The following PTPRD variants were observed in gnomAD, a reference collection of about 807,000 sequenced individuals.
PTPRD encodes receptor-type tyrosine-protein phosphatase delta.
PTPRD carries 34 observed loss-of-function variants against 214.5 expected under a neutral mutation model. The observed-to-expected ratio is 0.16, with a 90% CI of 0.12 to 0.21. PTPRD has a LOEUF of 0.21. Ranked by LOEUF, PTPRD falls within the 10% of genes least tolerant of loss-of-function variation. The probability of loss-of-function intolerance (pLI) is 1.00; values close to 1 mark genes in which losing one functional copy is unlikely to be tolerated. For synonymous variants in PTPRD, 1,128 were observed against 845.7 expected (o/e 1.33, Z -5.79); for missense variants, 2,545 against 2,398.7 (o/e 1.06, Z -1.27).
intron 2 of PTPRD, among the ~76,000 whole-genome samples, chr9:10,591,255 G>T (rs886883820): frequency 6.6e-6 from 1 of 151,916 alleles, no homozygotes; most frequent in Non-Finnish European, 1.5e-5. Context: ...TTTTGTTGGT[G>T]CATGTGTATG....
chr9:10,116,476 C>G (rs969347568), intron 3 of PTPRD, among the ~76,000 whole-genome samples: 2 of 151,956 alleles, frequency 1.3e-5, no homozygotes, highest in African/African-American at 4.8e-5. Context: ...CTTAATATAC[C>G]ATTTATATTC....
At chr9:8,656,996 A>G (rs2096922672) in intron 12 of PTPRD, among the ~76,000 whole-genome samples, 1 of 152,212 alleles carries the variant, frequency 6.6e-6, no homozygotes, top group African/African-American at 2.4e-5. Context: ...ATTAATTTTA[A>G]GAAATATAAA....
chr9:8,634,362 T>C (rs1214525260), intron 13 of PTPRD, among the ~76,000 whole-genome samples: 1 of 152,108 alleles, frequency 6.6e-6, no homozygotes, highest in African/African-American at 2.4e-5. Flanking sequence ...TTTTTTCTCT[T>C]GTATTTCACT....
intron 10 of PTPRD, among the ~76,000 whole-genome samples, chr9:9,180,605 A>G (rs1569559422): frequency 6.6e-6 from 1 of 152,090 alleles, no homozygotes; most frequent in Non-Finnish European, 1.5e-5. Context: ...AATAGTAATA[A>G]AATTAAAAAA....
intron 11 of PTPRD, among the ~76,000 whole-genome samples, chr9:8,991,283 G>A (rs907940340): frequency 2.6e-5 from 4 of 151,492 alleles, no homozygotes; most frequent in Admixed American, 1.3e-4. Flanking sequence ...CATCCTGAAA[G>A]CTCCCATGTC....
At chr9:8,484,824 C>G (rs949045743) in intron 29 of PTPRD, among the ~76,000 whole-genome samples, 4 of 152,112 alleles carry the variant, frequency 2.6e-5, no homozygotes, top group Admixed American at 2.6e-4. Flanking sequence ...TTGCTAACAT[C>G]TCTTAATGGC....
intron 2 of PTPRD, among the ~76,000 whole-genome samples, chr9:10,600,038 A>G (rs1172086870): frequency 6.6e-6 from 1 of 151,794 alleles, no homozygotes; most frequent in Non-Finnish European, 1.5e-5. Flanking sequence ...GTGTTCATGT[A>G]ATATATTTAA....
intron 10 of PTPRD, among the ~76,000 whole-genome samples, chr9:9,149,291 C>T (rs954770050): frequency 3.3e-5 from 5 of 152,318 alleles, no homozygotes; most frequent in Admixed American, 3.3e-4. Flanking sequence ...ACATAGTACA[C>T]ACTGAAAAGT....
intron 7 of PTPRD, among the ~76,000 whole-genome samples, chr9:9,584,674 C>T (rs1338175723): frequency 6.6e-6 from 1 of 151,916 alleles, no homozygotes. Flanking sequence ...GAAAGGATCT[C>T]TCTCCTCCTC....
At chr9:9,687,896 G>T (rs996948166) in intron 7 of PTPRD, among the ~76,000 whole-genome samples, 2 of 151,768 alleles carry the variant, frequency 1.3e-5, no homozygotes, top group Non-Finnish European at 2.9e-5. Context: ...ATCTCGAATT[G>T]TAATCCCAAT....
At chr9:10,185,249 G>C (rs1378422582) in intron 3 of PTPRD, among the ~76,000 whole-genome samples, 1 of 152,114 alleles carries the variant, frequency 6.6e-6, no homozygotes, top group East Asian at 1.9e-4. Flanking sequence ...GAGTACAAAA[G>C]CGGGTTTTCA....
chr9:8,702,762 T>A (rs978365648), intron 12 of PTPRD, among the ~76,000 whole-genome samples: 1 of 152,158 alleles, frequency 6.6e-6, no homozygotes, highest in Non-Finnish European at 1.5e-5. Flanking sequence ...CGCCCGCCAC[T>A]ACGCCCAGCG....
chr9:8,954,156 T>C (rs2099118750), intron 11 of PTPRD, among the ~76,000 whole-genome samples: 1 of 151,960 alleles, frequency 6.6e-6, no homozygotes, highest in Non-Finnish European at 1.5e-5. Context: ...TGGAATACAA[T>C]GCAGACATTA....
chr9:8,505,158 G>A (rs781599084), intron 22 of PTPRD, among the ~76,000 whole-genome samples: 7 of 152,026 alleles, frequency 4.6e-5, no homozygotes, highest in African/African-American at 7.2e-5. Flanking sequence ...CTCACCTTCC[G>A]TGCTTAAAAT....
intron 4 of PTPRD, among the ~76,000 whole-genome samples, chr9:9,995,956 A>G (rs1588457853): frequency 6.6e-6 from 1 of 152,098 alleles, no homozygotes; most frequent in Non-Finnish European, 1.5e-5. Flanking sequence ...TATTTCTACC[A>G]GATCTTAATT....
At chr9:8,695,393 C>G (rs537369199) in intron 12 of PTPRD, among the ~76,000 whole-genome samples, 5 of 151,916 alleles carry the variant, frequency 3.3e-5, no homozygotes, top group African/African-American at 1.2e-4. Flanking sequence ...GCCCCACCCC[C>G]GCACCCCCAC....
chr9:10,559,591 C>T (rs2063392060), intron 2 of PTPRD, among the ~76,000 whole-genome samples: 1 of 151,878 alleles, frequency 6.6e-6, no homozygotes, highest in African/African-American at 2.4e-5. Flanking sequence ...TTCTGCACAG[C>T]AAAAGAAGCT....
At chr9:9,202,541 G>A (rs529285161) in intron 9 of PTPRD, among the ~76,000 whole-genome samples, 2 of 152,306 alleles carry the variant, frequency 1.3e-5, no homozygotes, top group African/African-American at 4.8e-5. Context: ...TACATCAGAT[G>A]CAAGCTTGAT....
intron 10 of PTPRD, among the ~76,000 whole-genome samples, chr9:9,174,125 A>G (rs1477499192): frequency 2.0e-5 from 3 of 152,136 alleles, no homozygotes; most frequent in African/African-American, 7.2e-5. Flanking sequence ...ATTTGTTTAT[A>G]CCATACAGCC....
Sources: allele counts gnomAD v4.1 joint callset (sites outside exome capture counted in the v4.1 genomes callset), GRCh38; gene constraint gnomAD v4.1.1; transcripts MANE v1.5; gene names NCBI Gene and HGNC (gene_info 2026-07-23, HGNC 2026-07-21).